The following PIBF1 variants were observed in gnomAD, a reference collection of about 807,000 sequenced individuals.
PIBF1 encodes the protein progesterone-induced-blocking factor 1.
A neutral mutation model predicts 112.5 loss-of-function variants in PIBF1; 90 were observed. The observed-to-expected ratio is 0.80, with a 90% CI of 0.67 to 0.95. PIBF1 has a LOEUF of 0.95. Ranked by LOEUF, PIBF1 falls within the 40% of genes least tolerant of loss-of-function variation. PIBF1 has a pLI of 0.00. For missense variants in PIBF1, 915 were observed against 852.3 expected (o/e 1.07, Z -0.92); for synonymous variants, 301 against 288.6 (o/e 1.04, Z -0.44).
rs1425070741 is a variant in PIBF1 at position 72,972,038 on chromosome 13, T to TTATG, written c.1965-1550_1965-1549insGTAT. 2.6e-5 allele frequency among the ~76,000 whole-genome samples: 4 copies of TTATG among 151,036 alleles called. No homozygotes were observed. In the East Asian group the frequency reaches 7.8e-4, roughly 29 times the overall value. On this transcript the variant is annotated intron_variant, in intron 15 of 17. Transcript: ENST00000326291. ...TTTATTTATTTATTTATTTATTTAT[T>TTATG]TATTTATTTATTTTTTGAGAGAGCC...
intron 9 of PIBF1, among the ~76,000 whole-genome samples, chr13:72,842,520 A>G (rs1253758767): frequency 2.0e-5 from 3 of 152,242 alleles, no homozygotes; most frequent in Non-Finnish European, 4.4e-5. Flanking sequence ...CTTTAATGAT[A>G]TAAACTTGAA....
chr13:72,844,770 C>CGGATGAAGTCTTACTGTTT (rs1341154496), intron 9 of PIBF1, among the ~76,000 whole-genome samples: 63 of 107,990 alleles, frequency 5.8e-4, no homozygotes, highest in African/African-American at 2.1e-3. Flanking sequence ...CACACACACA[C>CGGATGAAGTCTTACTGTTT]ACACACACAC....
chr13:72,806,870 A>G (rs936539241), intron 5 of PIBF1, among the ~76,000 whole-genome samples: 4 of 152,118 alleles, frequency 2.6e-5, no homozygotes, highest in African/African-American at 9.7e-5. Context: ...TCCTTTGGGT[A>G]TATACCCAGT....
intron 14 of PIBF1, among the ~76,000 whole-genome samples, chr13:72,950,985 T>C (rs951702900): frequency 6.6e-6 from 1 of 152,146 alleles, no homozygotes; most frequent in African/African-American, 2.4e-5. Context: ...AAGTGGCCAA[T>C]CAGCAAGGAA....
chr13:72,886,250 T>C (rs936551565), intron 10 of PIBF1, among the ~76,000 whole-genome samples: 2 of 152,008 alleles, frequency 1.3e-5, no homozygotes, highest in African/African-American at 4.8e-5. Context: ...TTTTCTTTAG[T>C]GTAGATCAAC....
At chr13:72,824,615 A>C (rs2036717103) in intron 6 of PIBF1, among the ~76,000 whole-genome samples, 1 of 152,170 alleles carries the variant, frequency 6.6e-6, no homozygotes, top group African/African-American at 2.4e-5. Flanking sequence ...ATGTATATGC[A>C]TGTAAGAATG....
chr13:72,911,531 G>A (rs933168909), intron 12 of PIBF1, among the ~76,000 whole-genome samples: 4 of 152,118 alleles, frequency 2.6e-5, no homozygotes, highest in Non-Finnish European at 5.9e-5. Context: ...AAACATAGGT[G>A]AGTTATCTTT....
intron 4 of PIBF1, among the ~76,000 whole-genome samples, chr13:72,796,531 C>T (rs535629218): frequency 2.0e-5 from 3 of 152,162 alleles, no homozygotes; most frequent in East Asian, 3.9e-4. Flanking sequence ...ATAGTAAACA[C>T]ATAAAAATGT....
At chr13:72,791,140 C>T (rs953884689) in intron 2 of PIBF1, among the ~76,000 whole-genome samples, 2 of 152,026 alleles carry the variant, frequency 1.3e-5, no homozygotes, top group African/African-American at 4.8e-5. Context: ...CTGCAACCTC[C>T]GCCTCCCGGG....
At chr13:72,953,909 A>G (rs2042371465) in intron 14 of PIBF1, among the ~76,000 whole-genome samples, 1 of 152,044 alleles carries the variant, frequency 6.6e-6, no homozygotes, top group Non-Finnish European at 1.5e-5. Flanking sequence ...GGAGCCTCCA[A>G]ATATCCCTGT....
chr13:72,962,583 T>A (rs965754368), intron 14 of PIBF1, among the ~76,000 whole-genome samples: 1 of 146,866 alleles, frequency 6.8e-6, no homozygotes, highest in Non-Finnish European at 1.5e-5. Flanking sequence ...GGTGACAGAG[T>A]GAGTCCCTGT....
intron 9 of PIBF1, among the ~76,000 whole-genome samples, chr13:72,842,805 G>C (rs9600029): frequency 0.027 from 4,084 of 152,216 alleles, 73 homozygotes; most frequent in Non-Finnish European, 0.04. Flanking sequence ...GATAATTCTT[G>C]AAGTATATGG....
chr13:72,847,138 A>G (rs1444538159), intron 9 of PIBF1, among the ~76,000 whole-genome samples: 1 of 152,164 alleles, frequency 6.6e-6, no homozygotes, highest in Non-Finnish European at 1.5e-5. Flanking sequence ...TTAACACATT[A>G]ATGGATTTAA....
intron 10 of PIBF1, among the ~76,000 whole-genome samples, chr13:72,870,828 C>CAA (rs75393247): frequency 0.059 from 4,993 of 84,356 alleles, 97 homozygotes; most frequent in Middle Eastern, 0.078. Flanking sequence ...AAAGAATTTT[C>CAA]AAAAAAAAAA....
At chr13:72,940,972 C>T (rs1190888312) in intron 14 of PIBF1, among the ~76,000 whole-genome samples, 1 of 152,136 alleles carries the variant, frequency 6.6e-6, no homozygotes, top group Non-Finnish European at 1.5e-5. Flanking sequence ...CTTTGCAGCT[C>T]CCTTTTCTTC....
At chr13:72,979,292 C>T (rs535890536) in intron 16 of PIBF1, among the ~76,000 whole-genome samples, 34 of 152,204 alleles carry the variant, frequency 2.2e-4, no homozygotes, top group Non-Finnish European at 4.1e-4. Context: ...TTTTTATCCA[C>T]TCATCTTTGC....
At chr13:72,844,760 C>CACACACGGATGAAGTCTTACTGTTT (rs2037775255) in intron 9 of PIBF1, among the ~76,000 whole-genome samples, 1 of 129,570 alleles carries the variant, frequency 7.7e-6, no homozygotes, top group African/African-American at 3.1e-5. Flanking sequence ...CACACACACA[C>CACACACGGATGAAGTCTTACTGTTT]ACACACACAC....
At chr13:72,844,789 A>ACACGCG (rs1555296219) in intron 9 of PIBF1, among the ~76,000 whole-genome samples, 1 of 119,562 alleles carries the variant, frequency 8.4e-6, no homozygotes, top group African/African-American at 3.8e-5. Context: ...ACACACACAC[A>ACACGCG]CACACACACA....
At chr13:72,854,270 C>CT (rs1331744154) in intron 10 of PIBF1, 115 bp downstream of exon 10, 1 of 640,076 alleles carries the variant, frequency 1.6e-6, no homozygotes, top group African/African-American at 1.8e-5. Context: ...TGAGGAGAGA[C>CT]TAATTTTCAT....
Sources: allele counts gnomAD v4.1 joint callset (sites outside exome capture counted in the v4.1 genomes callset), GRCh38; gene constraint gnomAD v4.1.1; transcripts MANE v1.5; gene names NCBI Gene and HGNC (gene_info 2026-07-23, HGNC 2026-07-21).